The following BMP2K variants were observed in gnomAD, a reference collection of about 807,000 sequenced individuals.
BMP2K encodes BMP-2-inducible protein kinase.
In BMP2K, 74 loss-of-function variants were observed where a neutral mutation model predicts 116.0. The observed-to-expected ratio is 0.64, with a 90% confidence interval of 0.53 to 0.77. The LOEUF (loss-of-function observed/expected upper bound fraction) is 0.77, where lower values mean the gene tolerates loss of function less well. BMP2K is among the 30% of genes least tolerant of loss of function. The pLI is 0.00. For synonymous variants in BMP2K, 486 were observed against 502.5 expected, an observed-to-expected ratio of 0.97 and a Z score of 0.44; for missense variants, 1,365 against 1,403.6, an observed-to-expected ratio of 0.97 and a Z score of 0.44.
intron 13 of BMP2K, among the ~76,000 whole-genome samples, chr4:78,874,734 A>G: frequency 6.6e-6 from 1 of 152,214 alleles, no homozygotes. Flanking sequence ...GATTAGTTAA[A>G]AAGAAAGTTG....
chr4:78,821,405 G>T (rs977367616), intron 1 of BMP2K, among the ~76,000 whole-genome samples: 3 of 152,068 alleles, frequency 2.0e-5, no homozygotes, highest in African/African-American at 7.2e-5. Flanking sequence ...ATTTCCATTT[G>T]TGACTACCCC....
chr4:78,881,736 T>C (rs1368147709), intron 14 of BMP2K, among the ~76,000 whole-genome samples: 1 of 152,066 alleles, frequency 6.6e-6, no homozygotes, highest in African/African-American at 2.4e-5. Context: ...AATTGATAGA[T>C]GGTCATTATA....
chr4:78,900,482 G>T (rs1363577959), intron 15 of BMP2K, among the ~76,000 whole-genome samples: 1 of 152,122 alleles, frequency 6.6e-6, no homozygotes, highest in Non-Finnish European at 1.5e-5. Context: ...TAGCACAGAT[G>T]GAAAAATGAG....
chr4:78,811,552 A>G (rs890488783), intron 1 of BMP2K, among the ~76,000 whole-genome samples: 1 of 152,248 alleles, frequency 6.6e-6, no homozygotes, highest in African/African-American at 2.4e-5. Context: ...TAAACATAAT[A>G]GGAGCTTCTC....
intron 1 of BMP2K, among the ~76,000 whole-genome samples, chr4:78,783,317 C>G (rs1727594439): frequency 6.6e-6 from 1 of 152,006 alleles, no homozygotes; most frequent in Non-Finnish European, 1.5e-5. Context: ...ACAAATGGTT[C>G]TTTTTTGGGT....
intron 9 of BMP2K, among the ~76,000 whole-genome samples, chr4:78,863,406 G>A (rs1332959876): frequency 6.6e-6 from 1 of 152,078 alleles, no homozygotes. Context: ...TCAATCTGTG[G>A]TATTCTTTGC....
chr4:78,914,664 G>T lies in BMP2K; in HGVS notation c.*2631G>T, dbSNP rs2110116988. The T allele has an allele frequency of 6.6e-6, 1 of 151,162 alleles. No homozygotes were observed. Among genetic ancestry groups the T allele is most frequent in the South Asian group, 2.1e-4 (1 of 4,782 alleles). The allele number at this position is 151,162 out of a possible 1,614,324, so 9.4% of individuals were successfully genotyped here. On this transcript the variant is annotated 3_prime_UTR_variant, in exon 16 of 16. Transcript: ENST00000502613. ...AAAAGTTTGGCTCTATTATGGGATG[G>T]TTCAATTCTGGTTTAAGGAAGGAAG...
chr4:78,808,452 A>G (rs901447267), intron 1 of BMP2K, among the ~76,000 whole-genome samples: 1 of 151,734 alleles, frequency 6.6e-6, no homozygotes, highest in African/African-American at 2.4e-5. Context: ...TTTTTACTAG[A>G]GACGGGGTTT....
rs534046942 is a variant in BMP2K, at chr4:78,864,498, A to C, written c.1068-1059A>C. 2.6e-4 allele frequency among the ~76,000 whole-genome samples: 39 copies of C among 151,358 alleles called. No homozygotes were observed. In the South Asian group the frequency reaches 7.9e-3, roughly 31 times the overall value. ...ACCATCCCCATCCCATCTAGAGCTT[A>C]AGTGTTACTTTCAGAAAACGGCATA... On this transcript the variant is annotated intron_variant, in intron 9 of 15. Coordinates refer to ENST00000502613, the MANE Select transcript of BMP2K (RefSeq NM_198892.2).
Position 78,911,749 on chromosome 4 carries a change from C to T in BMP2K, c.3202C>T (p.Pro1068Ser). Residue 1068 changes from proline (P) to serine (S), a missense_variant, in exon 16 of 16, where the codon CCC becomes TCC. By Grantham distance (74) the Pro-to-Ser change is moderately conservative. Coordinates refer to ENST00000502613, the MANE Select transcript of BMP2K (RefSeq NM_198892.2). Reference protein sequence around the residue: ...VLQPEESLLDPFGAKPFHSPD... With the variant: ...VLQPEESLLDSFGAKPFHSPD... Reference sequence around the variant, plus strand: ...ACAACCTGAGGAGAGCCTGTTGGACCCCTTCGGTGCCAAGCCCTTCCATTC... The same window carrying T: ...ACAACCTGAGGAGAGCCTGTTGGACTCCTTCGGTGCCAAGCCCTTCCATTC... 1 of 1,613,908 alleles carries T rather than the reference C, an allele frequency of 6.2e-7. No homozygotes were observed. The highest frequency in any genetic ancestry group is 1.1e-5 in the South Asian group (1 of 91,078).
chr4:78,872,404 G>T, intron 12 of BMP2K: 1 of 359,452 alleles, frequency 2.8e-6, no homozygotes, highest in Non-Finnish European at 4.9e-6. Context: ...TTTGATTCTG[G>T]CCAAGTGAGC....
intron 3 of BMP2K, among the ~76,000 whole-genome samples, chr4:78,837,053 T>C (rs1161614360): frequency 1.3e-5 from 2 of 152,170 alleles, no homozygotes; most frequent in African/African-American, 4.8e-5. Context: ...GTTCTGAGCT[T>C]TCTAGATTGA....
intron 1 of BMP2K, among the ~76,000 whole-genome samples, chr4:78,809,512 G>C (rs1340324208): frequency 6.6e-6 from 1 of 151,806 alleles, no homozygotes; most frequent in Non-Finnish European, 1.5e-5. Context: ...TGAGTAGCTG[G>C]GACCACAGAC....
intron 1 of BMP2K, among the ~76,000 whole-genome samples, chr4:78,806,141 T>G (rs912131212): frequency 8.2e-5 from 12 of 146,798 alleles, no homozygotes; most frequent in South Asian, 2.1e-4. Flanking sequence ...TGATAGGGGG[T>G]GTGTGTGTGT....
At chr4:78,836,748 C>G (rs951339585) in intron 3 of BMP2K, among the ~76,000 whole-genome samples, 1 of 152,204 alleles carries the variant, frequency 6.6e-6, no homozygotes, top group Non-Finnish European at 1.5e-5. Flanking sequence ...TTGATTGTTA[C>G]TTTGGCTAGC....
At chr4:78,901,161 A>G (rs925146467) in intron 15 of BMP2K, among the ~76,000 whole-genome samples, 6 of 152,144 alleles carry the variant, frequency 3.9e-5, no homozygotes, top group African/African-American at 1.4e-4. Context: ...CTACTCTCTC[A>G]GCCTCCCAAG....
At chr4:78,795,612 T>C (rs1250165182) in intron 1 of BMP2K, among the ~76,000 whole-genome samples, 2 of 151,918 alleles carry the variant, frequency 1.3e-5, no homozygotes, top group Non-Finnish European at 2.9e-5. Context: ...ACCTACAAAA[T>C]GGGAGAAAAT....
In BMP2K at chr4:78,915,683, T is replaced by C. The variant is rs1734989976; in HGVS notation, c.*3650T>C. 1 of 151,954 alleles carries C rather than the reference T, an allele frequency of 6.6e-6. No homozygotes were observed. The highest frequency in any genetic ancestry group is 1.5e-5 in the Non-Finnish European group (1 of 67,902). 9.4% of individuals were successfully genotyped at this position (151,954 alleles called of 1,614,324 possible). A position where few individuals can be genotyped will look rare whatever the true frequency, so the allele number is the denominator to read the frequency against. On this transcript the variant is annotated 3_prime_UTR_variant, in exon 16 of 16. Coordinates refer to ENST00000502613, the MANE Select transcript of BMP2K (RefSeq NM_198892.2). ...CTCTACTGTGGAGTTAATGTGAATT[T>C]TTAAAAAATGGAATTGCAACCACAA...
At chr4:78,865,252 T>G (rs1355965583) in intron 9 of BMP2K, among the ~76,000 whole-genome samples, 1 of 152,222 alleles carries the variant, frequency 6.6e-6, no homozygotes, top group Non-Finnish European at 1.5e-5. Context: ...GGTTTCTGTT[T>G]ATTTCCTTTC....
Sources: allele counts gnomAD v4.1 joint callset (sites outside exome capture counted in the v4.1 genomes callset), GRCh38; gene constraint gnomAD v4.1.1; transcripts MANE v1.5; gene names NCBI Gene and HGNC (gene_info 2026-07-23, HGNC 2026-07-21).